Variants in TMEM109 observed in about 807,000 individuals in gnomAD.
TMEM109 encodes the protein voltage-gated monoatomic cation channel TMEM109.
Under a neutral mutation model 26.4 loss-of-function variants are expected in TMEM109, and 19 were observed. That is an observed-to-expected ratio of 0.72 (90% confidence interval 0.50 to 1.06). The LOEUF (loss-of-function observed/expected upper bound fraction) is 1.06. TMEM109 is among the 50% of genes least tolerant of loss of function. The pLI is 0.00. For missense variants in TMEM109, 262 were observed against 303.4 expected (o/e 0.86, Z 1.01); for synonymous variants, 129 against 142.0 (o/e 0.91, Z 0.65).
rs1020399323 is a variant in TMEM109 at position 60,922,963 on chromosome 11, T to C, written c.*798T>C. 1 of 153,142 alleles carries C rather than the reference T, an allele frequency of 6.5e-6. No individual in the cohort carries two copies. The highest frequency in any genetic ancestry group is 1.5e-5 in the Non-Finnish European group (1 of 68,576). 9.5% of individuals were successfully genotyped at this position (153,142 alleles called of 1,614,324 possible). On this transcript the variant is annotated 3_prime_UTR_variant, in exon 4 of 4. Coordinates refer to ENST00000227525, the MANE Select transcript of TMEM109 (RefSeq NM_024092.3). ...TGCTTTGTAGGCATGTGCCTGCAAG[T>C]GGGACCTTGCTGGGCATTATATGCC... is the stretch of plus-strand genomic sequence containing the variant.
intron 2 of TMEM109, 28 bp from the exon 3 acceptor site, chr11:60,920,858 C>T: frequency 6.3e-7 from 1 of 1,586,888 alleles, no homozygotes; most frequent in Non-Finnish European, 8.7e-7. Context: ...TCATTATGAA[C>T]TCATCTCGCT....
chr11:60,919,612 G>A (rs1177992320), intron 1 of TMEM109, 74 bp from the exon 2 acceptor site: 1 of 1,256,046 alleles, frequency 8.0e-7, no homozygotes, highest in Non-Finnish European at 1.2e-6. Context: ...GGAGAAGGAT[G>A]TTGGGATAAT....
intron 3 of TMEM109, 117 bp from the exon 4 acceptor site, chr11:60,921,657 G>A (rs1007963293): frequency 4.7e-5 from 36 of 770,938 alleles, no homozygotes; most frequent in African/African-American, 2.9e-4. Context: ...CTGAGTCTGC[G>A]AGAACGGCTT....
In TMEM109 at chr11:60,921,678, A is replaced by C. The variant is rs919465857; in HGVS notation, c.341-96A>C. 2.7e-5 allele frequency: 24 copies of C among 893,300 alleles called. No homozygotes were observed. The East Asian group carries it at 4.8e-4, about 18-fold the overall frequency. 55.3% of individuals were successfully genotyped at this position (893,300 alleles called of 1,614,324 possible). On this transcript the variant is annotated intron_variant, in intron 3 of 3. Transcript: ENST00000227525. ...CTGCGAGAACGGCTTATTCCTTTGCAATGTGCCTAGCACCTCCCACCCTTT... is the reference window on the plus strand; with the variant it reads ...CTGCGAGAACGGCTTATTCCTTTGCCATGTGCCTAGCACCTCCCACCCTTT...
intron 2 of TMEM109, 53 bp downstream of exon 2, chr11:60,919,983 G>A: frequency 1.3e-6 from 2 of 1,523,710 alleles, no homozygotes; most frequent in Non-Finnish European, 1.8e-6. Flanking sequence ...AATAAAAGAA[G>A]AAAGGTTGGT....
chr11:60,914,433 A>G (rs1856148759), intron 1 of TMEM109, among the ~76,000 whole-genome samples, 165 bp downstream of exon 1: 1 of 152,140 alleles, frequency 6.6e-6, no homozygotes, highest in Admixed American at 6.5e-5. Context: ...CCCCGTTGCT[A>G]TGCAACCGGG....
At chr11:60,917,222 A>G (rs1441860901) in intron 1 of TMEM109, among the ~76,000 whole-genome samples, 2 of 152,158 alleles carry the variant, frequency 1.3e-5, no homozygotes, top group African/African-American at 4.8e-5. Context: ...CAAGACTAGG[A>G]CATCATTCTC....
At chr11:60,916,943 T>C (rs1856180786) in intron 1 of TMEM109, among the ~76,000 whole-genome samples, 1 of 152,184 alleles carries the variant, frequency 6.6e-6, no homozygotes, top group Non-Finnish European at 1.5e-5. Flanking sequence ...GTCCCCAACA[T>C]GGTTATGACC....
At chr11:60,919,961 A>G (rs758625092) in intron 2 of TMEM109, 31 bp downstream of exon 2, 3 of 1,559,880 alleles carry the variant, frequency 1.9e-6, no homozygotes, top group Non-Finnish European at 2.7e-6. Flanking sequence ...GTGACTACAC[A>G]CATTAAGGAA....
At chr11:60,914,371 A>C (rs1000671663) in intron 1 of TMEM109, 103 bp downstream of exon 1, 1 of 152,340 alleles carries the variant, frequency 6.6e-6, no homozygotes, top group African/African-American at 2.4e-5. Context: ...GGAGAGTCCG[A>C]GTGGGGAGGG....
At chr11:60,916,672 T>G (rs1339064329) in intron 1 of TMEM109, among the ~76,000 whole-genome samples, 2 of 152,224 alleles carry the variant, frequency 1.3e-5, no homozygotes. Flanking sequence ...AGGTTTGGTA[T>G]CTGGTGCACT....
chr11:60,914,589 C>G (rs1856152013), intron 1 of TMEM109, among the ~76,000 whole-genome samples: 1 of 152,248 alleles, frequency 6.6e-6, no homozygotes, highest in Non-Finnish European at 1.5e-5. Context: ...CCCCGACCCA[C>G]GGCCCAGCCT....
intron 1 of TMEM109, among the ~76,000 whole-genome samples, chr11:60,914,753 C>T (rs73493034): frequency 0.05 from 7,617 of 152,354 alleles, 604 homozygotes; most frequent in African/African-American, 0.17. Flanking sequence ...GGCTGCGCCC[C>T]GGTTAGGGCG....
In TMEM109 at chr11:60,922,049, C is replaced by T. The variant is rs768757767; in HGVS notation, c.616C>T (p.Arg206Ter). 12 of 1,610,968 alleles carry T rather than the reference C, an allele frequency of 7.4e-6. No individual in the cohort carries two copies. Among genetic ancestry groups the T allele is most frequent in the South Asian group, 1.1e-5 (1 of 91,068 alleles). ...YALLSRLTGS[R>*]ASGAQLEAKV... is the part of the protein sequence containing the mutation. ...CCTGCTGAGCCGGCTCACTGGCTCC[C>T]GAGCCTCTGGGGCCCAACTCGAGGC... is the stretch of plus-strand genomic sequence containing the variant. The change falls in exon 4 of 4, where the codon CGA becomes TGA. Residue 206 changes from arginine to a stop codon, truncating the protein, a stop_gained. Transcript: ENST00000227525. LOFTEE classifies it high-confidence loss of function.
At chr11:60,915,863 C>A (rs929985494) in intron 1 of TMEM109, among the ~76,000 whole-genome samples, 1 of 152,326 alleles carries the variant, frequency 6.6e-6, no homozygotes, top group Admixed American at 6.5e-5. Flanking sequence ...CCAGGCTGGG[C>A]TCTCCAGACC....
In TMEM109 at chr11:60,920,897, A is replaced by G; in HGVS notation, c.249A>G (p.Gln83=). Residue 83 remains glutamine (Q), a synonymous_variant, in exon 3 of 4, where the codon CAA becomes CAG. Transcript: ENST00000227525. ...TMHLVSESSS[Q]VLWAISSAIS... is the part of the protein sequence containing the mutation. ...TGCTCTTTCCACAGTCTTCGTCCCA[A>G]GTGTTGTGGGCCATCTCATCAGCCA... 1 of 1,613,886 alleles carries G rather than the reference A, an allele frequency of 6.2e-7. No homozygotes were observed. The highest frequency in any genetic ancestry group is 1.1e-5 in the South Asian group (1 of 91,062).
At chr11:60,914,752 C>G (rs1298426854) in intron 1 of TMEM109, among the ~76,000 whole-genome samples, 2 of 152,270 alleles carry the variant, frequency 1.3e-5, no homozygotes, top group Non-Finnish European at 2.9e-5. Context: ...AGGCTGCGCC[C>G]CGGTTAGGGC....
chr11:60,919,683 C>T lies in TMEM109; in HGVS notation c.-8-3C>T. On this transcript the variant is annotated splice_polypyrimidine_tract_variant and splice_region_variant and intron_variant, in intron 1 of 3. Transcript: ENST00000227525. ...TCAGCTCACTGTGCTTCTCTCCTGG[C>T]AGACCCAGTCATGGCAGCCTCCAGC... 6.2e-7 allele frequency: 1 copy of T among 1,612,570 alleles called. No homozygotes were observed. The highest frequency in any genetic ancestry group is 1.1e-5 in the South Asian group (1 of 91,060).
chr11:60,917,169 T>TTAAAA (rs1241988092), intron 1 of TMEM109, among the ~76,000 whole-genome samples: 1 of 152,194 alleles, frequency 6.6e-6, no homozygotes, highest in Non-Finnish European at 1.5e-5. Flanking sequence ...CTAAATGTAG[T>TTAAAA]ATTTTTAGAA....
Sources: allele counts gnomAD v4.1 joint callset (sites outside exome capture counted in the v4.1 genomes callset), GRCh38; gene constraint gnomAD v4.1.1; transcripts MANE v1.5; gene names NCBI Gene and HGNC (gene_info 2026-07-23, HGNC 2026-07-21).